Variants in CNTNAP2 observed in about 807,000 individuals in gnomAD.
The protein encoded by CNTNAP2 is contactin associated protein 2, also known as contactin-associated protein-like 2.
CNTNAP2 carries 98 observed loss-of-function variants against 155.2 expected under a neutral mutation model. The ratio of observed to expected loss-of-function variants is 0.63; its 90% CI spans 0.54 to 0.75. The LOEUF is 0.75. Ranked by LOEUF, CNTNAP2 falls within the 30% of genes least tolerant of loss-of-function variation. The pLI is 0.00. For synonymous variants in CNTNAP2, 651 were observed against 631.2 expected (o/e 1.03, Z -0.47); for missense variants, 1,727 against 1,688.1 (o/e 1.02, Z -0.40).
chr7:148,064,830 G>T (rs937517553), intron 15 of CNTNAP2, among the ~76,000 whole-genome samples: 20 of 151,846 alleles, frequency 1.3e-4, no homozygotes, highest in Non-Finnish European at 2.5e-4. Context: ...TCTTCTGCTG[G>T]GTTTGGGTTT....
At chr7:146,489,073 A>G (rs1797100853) in intron 1 of CNTNAP2, among the ~76,000 whole-genome samples, 1 of 152,152 alleles carries the variant, frequency 6.6e-6, no homozygotes, top group Non-Finnish European at 1.5e-5. Flanking sequence ...TAAAGTTACC[A>G]CCCATTTTTC....
chr7:146,587,850 T>C (rs1433285443), intron 1 of CNTNAP2, among the ~76,000 whole-genome samples: 2 of 151,968 alleles, frequency 1.3e-5, no homozygotes, highest in African/African-American at 2.4e-5. Context: ...AATTTTTATG[T>C]TTAGTAGAGA....
In CNTNAP2 at chr7:147,414,869, G is replaced by C. The variant is rs999220872; in HGVS notation, c.1670+19089G>C. Among the ~76,000 whole-genome samples the C allele has an allele frequency of 2.1e-4, 31 of 150,136 alleles. 1 individual carries two copies. The highest frequency in any genetic ancestry group is 1.1e-3 in the Admixed American group (16 of 15,038). On this transcript the variant is annotated intron_variant, in intron 10 of 23. Coordinates refer to ENST00000361727, the MANE Select transcript of CNTNAP2 (RefSeq NM_014141.6). ...GGCAGGAGAATGGCGTGAACCTTGG[G>C]GGGTGGAGCCTGCAGTGAGCCGAGA...
intron 18 of CNTNAP2, among the ~76,000 whole-genome samples, chr7:148,213,033 C>G (rs1395317905): frequency 6.6e-6 from 1 of 152,184 alleles, no homozygotes; most frequent in Admixed American, 6.5e-5. Context: ...CCTTCATGAT[C>G]TGCCTTGGAA....
intron 20 of CNTNAP2, among the ~76,000 whole-genome samples, chr7:148,248,416 C>T (rs993398867): frequency 5.3e-4 from 81 of 152,138 alleles, no homozygotes; most frequent in African/African-American, 1.8e-3. Context: ...CCAGGCTGGT[C>T]TTGAACTCCT....
intron 10 of CNTNAP2, among the ~76,000 whole-genome samples, chr7:147,444,646 T>C (rs946790348): frequency 3.3e-5 from 5 of 152,000 alleles, no homozygotes; most frequent in Admixed American, 6.6e-5. Flanking sequence ...TTGCTCTGCA[T>C]AGATTATTGA....
rs187385198 is a variant in CNTNAP2 at position 146,571,526 on chromosome 7, G to A, written c.98-202745G>A. Among the ~76,000 whole-genome samples, 172 of 151,960 alleles carry A rather than the reference G, an allele frequency of 1.1e-3. 1 individual carries two copies. The highest frequency in any genetic ancestry group is 3.4e-3 in the Middle Eastern group (1 of 294). Reference sequence around the variant, plus strand: ...AGTTTATAGGACTTTTATTTGGGAGGTAGTTTTCAAAAAGTTATGATTTTT... The same window carrying A: ...AGTTTATAGGACTTTTATTTGGGAGATAGTTTTCAAAAAGTTATGATTTTT... On this transcript the variant is annotated intron_variant, in intron 1 of 23. Transcript: ENST00000361727.
chr7:148,097,171 C>G (rs1803989533), intron 15 of CNTNAP2, among the ~76,000 whole-genome samples: 1 of 151,948 alleles, frequency 6.6e-6, no homozygotes, highest in East Asian at 1.9e-4. Flanking sequence ...TGCACATTTT[C>G]AGACAACTTC....
In CNTNAP2 at chr7:148,251,458, G is replaced by A. The variant is rs576654237; in HGVS notation, c.3382-15575G>A. On this transcript the variant is annotated intron_variant, in intron 20 of 23. Coordinates refer to ENST00000361727, the MANE Select transcript of CNTNAP2 (RefSeq NM_014141.6). ...AAACCAGGGACATTTACTGAGCTTC[G>A]GTGTCCAAAGTTTTTTTTAGAGGTT... Among the ~76,000 whole-genome samples, 20 of 151,930 alleles carry A rather than the reference G, an allele frequency of 1.3e-4. 1 individual carries two copies. The South Asian group carries it at 3.5e-3, about 27-fold the overall frequency.
intron 8 of CNTNAP2, among the ~76,000 whole-genome samples, chr7:147,156,443 G>T (rs1430320939): frequency 2.6e-5 from 4 of 152,146 alleles, no homozygotes; most frequent in Admixed American, 1.3e-4. Flanking sequence ...TTGTTTGCCA[G>T]AGAAAAATCA....
chr7:148,107,342 A>T (rs1411299436), intron 15 of CNTNAP2, among the ~76,000 whole-genome samples: 1 of 152,136 alleles, frequency 6.6e-6, no homozygotes, highest in Non-Finnish European at 1.5e-5. Context: ...TCTAGCCCAA[A>T]GGACCCGAAT....
intron 10 of CNTNAP2, among the ~76,000 whole-genome samples, chr7:147,403,209 G>T (rs1183482308): frequency 6.6e-6 from 1 of 152,106 alleles, no homozygotes; most frequent in African/African-American, 2.4e-5. Context: ...TTGCCAATCG[G>T]AAAATATTTA....
chr7:148,387,501 T>G (rs1341030528), intron 22 of CNTNAP2, among the ~76,000 whole-genome samples: 1 of 152,066 alleles, frequency 6.6e-6, no homozygotes, highest in Non-Finnish European at 1.5e-5. Context: ...TAGAGGACAT[T>G]TGGAAGTAGA....
intron 21 of CNTNAP2, among the ~76,000 whole-genome samples, chr7:148,277,092 G>A (rs1796882486): frequency 6.6e-6 from 1 of 150,698 alleles, no homozygotes; most frequent in Non-Finnish European, 1.5e-5. Context: ...ATAAGGTGGG[G>A]ACCAGGTGTA....
intron 16 of CNTNAP2, among the ~76,000 whole-genome samples, chr7:148,126,403 G>A (rs1336467869): frequency 6.6e-6 from 1 of 152,158 alleles, no homozygotes; most frequent in African/African-American, 2.4e-5. Context: ...AAATCTAGGT[G>A]GAGAAGCAGA....
intron 8 of CNTNAP2, among the ~76,000 whole-genome samples, chr7:147,243,157 C>T (rs551458122): frequency 5.3e-5 from 8 of 151,536 alleles, no homozygotes; most frequent in East Asian, 3.9e-4. Context: ...CCACCACGCC[C>T]GGCTAATTTT....
At chr7:147,263,935 A>G (rs544870627) in intron 8 of CNTNAP2, among the ~76,000 whole-genome samples, 1 of 152,212 alleles carries the variant, frequency 6.6e-6, no homozygotes, top group African/African-American at 2.4e-5. Flanking sequence ...GTTTGAGTCT[A>G]TGGGGACATC....
chr7:146,194,341 A>G (rs1798747166), intron 1 of CNTNAP2, among the ~76,000 whole-genome samples: 2 of 152,208 alleles, frequency 1.3e-5, no homozygotes, highest in African/African-American at 4.8e-5. Flanking sequence ...TGGCTGGGGA[A>G]GTCTCACAAT....
chr7:146,876,543 G>A (rs1409167465), intron 3 of CNTNAP2, among the ~76,000 whole-genome samples: 5 of 151,982 alleles, frequency 3.3e-5, no homozygotes, highest in Admixed American at 6.6e-5. Flanking sequence ...TGTAACTTTC[G>A]TTTGCCTCAA....
Sources: gnomAD v4.1 joint callset for allele counts (sites outside exome capture counted in the v4.1 genomes callset) on GRCh38, gnomAD v4.1.1 for gene constraint, MANE v1.5 for transcripts, NCBI Gene and HGNC (gene_info 2026-07-23, HGNC 2026-07-21) for gene names.